The following PIK3C2G variants were observed in gnomAD, a reference collection of about 807,000 sequenced individuals.
The protein encoded by PIK3C2G is phosphatidylinositol-4-phosphate 3-kinase catalytic subunit type 2 gamma.
A neutral mutation model predicts 181.1 loss-of-function variants in PIK3C2G; 168 were observed. That is an observed-to-expected ratio of 0.93 (90% CI 0.82 to 1.05). The LOEUF is 1.05. PIK3C2G is among the 50% of genes least tolerant of loss of function. The pLI is 0.00. For synonymous variants in PIK3C2G, 573 were observed against 592.2 expected (o/e 0.97, Z 0.47); for missense variants, 1,869 against 1,732.8 (o/e 1.08, Z -1.40).
downstream of PIK3C2G, among the ~76,000 whole-genome samples, chr12:18,650,664 ATGTGTGTG>A (rs1159499235): frequency 0.028 from 988 of 35,388 alleles, 54 homozygotes; most frequent in Middle Eastern, 0.042. Flanking sequence ...TGGAATATAA[ATGTGTGTG>A]TGTGTGTGTG....
chr12:18,398,172 C>T (rs12228909), intron 15 of PIK3C2G, among the ~76,000 whole-genome samples: 18,695 of 151,958 alleles, frequency 0.12, 1,178 homozygotes, highest in African/African-American at 0.14. Context: ...TTATCTGGTA[C>T]ATGCATTTGT....
At chr12:18,657,433 T>C in the PIK3C2G span, among the ~76,000 whole-genome samples, 2 of 149,726 alleles carry the variant, frequency 1.3e-5, no homozygotes, top group Non-Finnish European at 3.0e-5. Flanking sequence ...ATGAAGACTA[T>C]AGCAGAGTAG....
intron 29 of PIK3C2G, among the ~76,000 whole-genome samples, chr12:18,582,499 A>G (rs1030709906): frequency 6.6e-6 from 1 of 152,126 alleles, no homozygotes; most frequent in African/African-American, 2.4e-5. Context: ...GGAGCTTTAG[A>G]TACCGGGCTT....
chr12:18,451,834 G>A (rs1384565550), intron 18 of PIK3C2G, among the ~76,000 whole-genome samples: 1 of 152,150 alleles, frequency 6.6e-6, no homozygotes, highest in Non-Finnish European at 1.5e-5. Context: ...TAATCATGTG[G>A]TTTTTTGTCA....
chr12:18,392,166 CAT>C (rs1226411369), intron 15 of PIK3C2G, among the ~76,000 whole-genome samples: 3 of 152,000 alleles, frequency 2.0e-5, no homozygotes, highest in Non-Finnish European at 4.4e-5. Context: ...ATTTGGGAGA[CAT>C]ATTTTGGCAG....
Position 18,497,691 on chromosome 12 carries a change from G to C in PIK3C2G, c.2959G>C (p.Glu987Gln). 6.2e-7 allele frequency: 1 copy of C among 1,612,454 alleles called. No homozygotes were observed. Among genetic ancestry groups the C allele is most frequent in the South Asian group, 1.1e-5 (1 of 91,016 alleles). The change falls in exon 22 of 33, where the codon GAA becomes CAA. Residue 987 changes from glutamate to glutamine, a missense_variant. Physicochemically the swap from Glu to Gln is conservative, Grantham distance 29 (BLOSUM62 2). Coordinates refer to ENST00000538779, the MANE Select transcript of PIK3C2G (RefSeq NM_001288772.2). ...AGTGATGGACAATATTTGGCTGCAG[G>C]AAGGCTTGGATATGCAAATGATCAT... ...IQVMDNIWLQEGLDMQMIIYR... is the reference protein window; with the variant it reads ...IQVMDNIWLQQGLDMQMIIYR...
In PIK3C2G at chr12:18,640,466, A is replaced by T. The variant is rs1949789713; in HGVS notation, c.4220A>T (p.Glu1407Val). 1 of 1,609,968 alleles carries T rather than the reference A, an allele frequency of 6.2e-7. No individual in the cohort carries two copies. Among genetic ancestry groups the T allele is most frequent in the East Asian group, 2.2e-5 (1 of 44,716 alleles). The change falls in exon 32 of 33, where the codon GAA becomes GTA. Residue 1407 changes from glutamate to valine, a missense_variant. Coordinates refer to ENST00000538779, the MANE Select transcript of PIK3C2G (RefSeq NM_001288772.2). ...PDGSAPSAHVEFYLLPYPSEV... is the reference protein window; with the variant it reads ...PDGSAPSAHVVFYLLPYPSEV... ...GGCTCTGCGCCCAGTGCACATGTTG[A>T]ATTTTATCTTTTACCATATCCCAGT...
At chr12:18,311,530 G>GT (rs1950637110) in intron 5 of PIK3C2G, among the ~76,000 whole-genome samples, 1 of 148,674 alleles carries the variant, frequency 6.7e-6, no homozygotes, top group Non-Finnish European at 1.5e-5. Context: ...GGTATAAAGG[G>GT]GTGTGTGTGT....
At chr12:18,656,562 C>T in the PIK3C2G span, among the ~76,000 whole-genome samples, 3 of 151,962 alleles carry the variant, frequency 2.0e-5, no homozygotes, top group African/African-American at 7.3e-5. Flanking sequence ...GAGACTCTGT[C>T]CTGAAAAAAG....
the PIK3C2G span, among the ~76,000 whole-genome samples, chr12:18,690,205 T>C: frequency 6.6e-6 from 1 of 151,464 alleles, no homozygotes; most frequent in African/African-American, 2.4e-5. Flanking sequence ...AAAACACATC[T>C]GTTTTTTGTT....
In PIK3C2G at chr12:18,458,864, A is replaced by G. The variant is rs562533485; in HGVS notation, c.2505-29585A>G. On this transcript the variant is annotated intron_variant, in intron 18 of 32. Coordinates refer to ENST00000538779, the MANE Select transcript of PIK3C2G (RefSeq NM_001288772.2). Reference sequence around the variant, plus strand: ...GCTGACAGCCAGTTTAAAAAAAAAAAAAAAAGGAAGCGGGGAGGGGCTGGA... The same window carrying G: ...GCTGACAGCCAGTTTAAAAAAAAAAGAAAAAGGAAGCGGGGAGGGGCTGGA... 2.0e-5 allele frequency among the ~76,000 whole-genome samples: 3 copies of G among 152,070 alleles called. No individual in the cohort carries two copies. The South Asian group carries it at 6.2e-4, about 32-fold the overall frequency.
At chr12:18,490,858 T>C (rs1009712443) in intron 19 of PIK3C2G, among the ~76,000 whole-genome samples, 5 of 152,244 alleles carry the variant, frequency 3.3e-5, no homozygotes, top group Non-Finnish European at 5.9e-5. Flanking sequence ...TTGTGATATC[T>C]GAGCTGCCAT....
At chr12:18,360,570 C>T (rs1391751519) in intron 11 of PIK3C2G, among the ~76,000 whole-genome samples, 1 of 151,980 alleles carries the variant, frequency 6.6e-6, no homozygotes, top group Non-Finnish European at 1.5e-5. Context: ...TGAGGAACTC[C>T]CTCAGTTTTT....
intron 13 of PIK3C2G, among the ~76,000 whole-genome samples, chr12:18,376,817 G>C (rs533350076): frequency 5.3e-4 from 81 of 152,224 alleles, no homozygotes; most frequent in Admixed American, 1.3e-3. Flanking sequence ...TTCAAAGCTT[G>C]CTCCTGCTCT....
chr12:18,449,127 T>C (rs1947195186), intron 18 of PIK3C2G, among the ~76,000 whole-genome samples: 1 of 152,120 alleles, frequency 6.6e-6, no homozygotes, highest in Non-Finnish European at 1.5e-5. Context: ...GTCCTCTTGG[T>C]GCCATTGTTT....
chr12:18,385,894 G>C (rs1055224757), intron 14 of PIK3C2G, among the ~76,000 whole-genome samples: 3 of 151,966 alleles, frequency 2.0e-5, no homozygotes, highest in African/African-American at 7.2e-5. Flanking sequence ...CTGTATTCTG[G>C]CTTGCCACCA....
At chr12:18,389,146 A>G (rs896568786) in intron 14 of PIK3C2G, among the ~76,000 whole-genome samples, 5 of 152,042 alleles carry the variant, frequency 3.3e-5, no homozygotes, top group Non-Finnish European at 7.4e-5. Flanking sequence ...AGGTCAGGAG[A>G]TCGAGTCCAT....
At chr12:18,510,387 A>G (rs1033958682) in intron 24 of PIK3C2G, among the ~76,000 whole-genome samples, 1 of 152,262 alleles carries the variant, frequency 6.6e-6, no homozygotes, top group Non-Finnish European at 1.5e-5. Context: ...TTTTCATTAC[A>G]TAAAAGATTT....
downstream of PIK3C2G, among the ~76,000 whole-genome samples, chr12:18,650,293 TTCTCTCTCTC>T (rs140285960): frequency 0.045 from 3,900 of 87,614 alleles, 156 homozygotes; most frequent in African/African-American, 0.098. Flanking sequence ...TAACCCAAAT[TTCTCTCTCTC>T]TCTCTCTCTC....
Sources: allele counts gnomAD v4.1 joint callset (sites outside exome capture counted in the v4.1 genomes callset), GRCh38; gene constraint gnomAD v4.1.1; transcripts MANE v1.5; gene names NCBI Gene and HGNC (gene_info 2026-07-23, HGNC 2026-07-21).